Variants in CCDC91 observed in about 807,000 individuals in gnomAD.
CCDC91 encodes the protein coiled-coil domain containing 91.
In CCDC91, 48 loss-of-function variants were observed where a neutral mutation model predicts 63.2. The observed-to-expected ratio is 0.76, with a 90% CI of 0.60 to 0.97. The LOEUF (loss-of-function observed/expected upper bound fraction) is 0.97. CCDC91 is among the 50% of genes least tolerant of loss of function. The pLI is 0.00. For missense variants in CCDC91, 500 were observed against 494.6 expected, an observed-to-expected ratio of 1.01 and a Z score of -0.10; for synonymous variants, 167 against 165.8, an observed-to-expected ratio of 1.01 and a Z score of -0.06.
chr12:28,405,934 T>C lies in CCDC91; in HGVS notation c.762+14523T>C, dbSNP rs79995108. On this transcript the variant is annotated intron_variant, in intron 8 of 12. Transcript: ENST00000536442. ...TAATGTCTATGTAATGTCCATTCAG[T>C]AGTATGTTTTGTAAAAAAAATCTGC... 9.5e-3 allele frequency among the ~76,000 whole-genome samples: 1,401 copies of C among 147,014 alleles called. 27 individuals carry two copies. Among genetic ancestry groups the C allele is most frequent in the African/African-American group, 0.032 (1,332 of 41,378 alleles).
intron 12 of CCDC91, among the ~76,000 whole-genome samples, chr12:28,486,752 C>T (rs1951748289): frequency 6.6e-6 from 1 of 151,998 alleles, no homozygotes; most frequent in African/African-American, 2.4e-5. Flanking sequence ...GCCTAGTATT[C>T]ACTTGTATTA....
intron 3 of CCDC91, among the ~76,000 whole-genome samples, chr12:28,287,799 G>A (rs1010635905): frequency 6.6e-6 from 1 of 152,138 alleles, no homozygotes; most frequent in Non-Finnish European, 1.5e-5. Context: ...GGGCAGTATG[G>A]CCATTTTAAT....
intron 6 of CCDC91, among the ~76,000 whole-genome samples, chr12:28,360,712 A>G (rs1316692381): frequency 1.3e-5 from 2 of 152,112 alleles, no homozygotes; most frequent in Non-Finnish European, 2.9e-5. Context: ...CTTCTAAACA[A>G]CTCTGCAGAT....
chr12:28,422,202 A>G (rs1224127638), intron 8 of CCDC91, among the ~76,000 whole-genome samples: 4 of 152,144 alleles, frequency 2.6e-5, no homozygotes, highest in African/African-American at 9.6e-5. Flanking sequence ...AAAAGTACCA[A>G]AATCAATCAC....
At chr12:28,494,067 G>T (rs1355057602) in intron 12 of CCDC91, among the ~76,000 whole-genome samples, 1 of 151,680 alleles carries the variant, frequency 6.6e-6, no homozygotes, top group Non-Finnish European at 1.5e-5. Flanking sequence ...TGAGCTCAGT[G>T]CTGCTTTTCA....
intron 7 of CCDC91, among the ~76,000 whole-genome samples, chr12:28,385,140 AT>A (rs1945521856): frequency 6.6e-6 from 1 of 152,124 alleles, no homozygotes; most frequent in South Asian, 2.1e-4. Context: ...ATAGAAATAA[AT>A]TTTTTAAACG....
At chr12:28,413,248 A>AT (rs1340406384) in intron 8 of CCDC91, among the ~76,000 whole-genome samples, 3 of 152,064 alleles carry the variant, frequency 2.0e-5, no homozygotes, top group Non-Finnish European at 4.4e-5. Flanking sequence ...CCTATTAAAC[A>AT]TTTTTTTGGT....
chr12:28,519,051 T>C (rs1940281604), intron 12 of CCDC91, among the ~76,000 whole-genome samples: 1 of 151,886 alleles, frequency 6.6e-6, no homozygotes, highest in Non-Finnish European at 1.5e-5. Context: ...TCCATATGAA[T>C]TTGGGGATAG....
chr12:28,219,231 A>T (rs570535940), intron 1 of CCDC91, among the ~76,000 whole-genome samples: 1 of 152,202 alleles, frequency 6.6e-6, no homozygotes, highest in African/African-American at 2.4e-5. Flanking sequence ...TGCTTAATTG[A>T]GATTATTAGA....
intron 3 of CCDC91, chr12:28,304,541 A>C: frequency 2.2e-6 from 1 of 451,722 alleles, no homozygotes; most frequent in Non-Finnish European, 3.7e-6. Flanking sequence ...TGTATAAGAT[A>C]ATTGAATTCT....
Position 28,450,436 on chromosome 12 carries a change from A to T in CCDC91, c.924+18A>T, listed in dbSNP as rs149900008. ...CTGCAAAGGTATTTCCATCTGTAAT[A>T]GTGGGTTGCTTGTAAGTAAGTGGAA... On this transcript the variant is annotated intron_variant, in intron 10 of 12. Coordinates refer to ENST00000536442, the MANE Select transcript of CCDC91 (RefSeq NM_018318.5). 482 of 1,580,018 alleles carry T rather than the reference A, an allele frequency of 3.1e-4. 6 individuals carry two copies. The East Asian group carries it at 0.011, about 35-fold the overall frequency.
intron 6 of CCDC91, among the ~76,000 whole-genome samples, chr12:28,328,154 C>T (rs1941184342): frequency 6.6e-6 from 1 of 152,140 alleles, no homozygotes; most frequent in Admixed American, 6.6e-5. Flanking sequence ...GAGTCTTAGA[C>T]ATGTTGCCAT....
At chr12:28,478,639 G>A (rs1951257800) in intron 11 of CCDC91, among the ~76,000 whole-genome samples, 1 of 152,158 alleles carries the variant, frequency 6.6e-6, no homozygotes, top group Non-Finnish European at 1.5e-5. Context: ...AAGAGCTTCT[G>A]CACAGCAAAA....
intron 11 of CCDC91, among the ~76,000 whole-genome samples, chr12:28,455,441 C>A (rs1592722212): frequency 1.3e-5 from 2 of 152,080 alleles, no homozygotes; most frequent in Non-Finnish European, 2.9e-5. Context: ...AATACTGCCT[C>A]TTCATTCTGT....
At chr12:28,243,189 A>C (rs1282024213) in intron 1 of CCDC91, among the ~76,000 whole-genome samples, 8 of 152,206 alleles carry the variant, frequency 5.3e-5, no homozygotes, top group South Asian at 2.1e-4. Context: ...ACTGCAGCTT[A>C]TCTGGGCAGT....
At chr12:28,463,919 G>A (rs577367414) in intron 11 of CCDC91, among the ~76,000 whole-genome samples, 2 of 152,234 alleles carry the variant, frequency 1.3e-5, no homozygotes, top group South Asian at 4.2e-4. Flanking sequence ...AAGCAAGTGA[G>A]CCAAATACTT....
At position 28,442,157 on chromosome 12, in the gene CCDC91, A is replaced by C. The variant is rs1403143221; in HGVS notation, c.763-8004A>C. On this transcript the variant is annotated intron_variant, in intron 8 of 12. Transcript: ENST00000536442. ...AAGTGTGAAAAGACCAACCACAAAC[A>C]AAAGAGGAATTACTACTGCCTGTGT... 3.9e-5 allele frequency among the ~76,000 whole-genome samples: 6 copies of C among 152,128 alleles called. No homozygotes were observed. In the East Asian group the frequency reaches 1.2e-3, roughly 29 times the overall value.
At chr12:28,493,847 G>T (rs1398043264) in intron 12 of CCDC91, among the ~76,000 whole-genome samples, 1 of 151,638 alleles carries the variant, frequency 6.6e-6, no homozygotes, top group Non-Finnish European at 1.5e-5. Flanking sequence ...GTATTGCTGA[G>T]AGCGTGATTG....
At chr12:28,424,381 G>C (rs1023565819) in intron 8 of CCDC91, among the ~76,000 whole-genome samples, 2 of 152,048 alleles carry the variant, frequency 1.3e-5, no homozygotes, top group Non-Finnish European at 2.9e-5. Flanking sequence ...AAGTCCTGCC[G>C]ATTTGTTCGT....
Sources: gnomAD v4.1 joint callset for allele counts (sites outside exome capture counted in the v4.1 genomes callset) on GRCh38, gnomAD v4.1.1 for gene constraint, MANE v1.5 for transcripts, NCBI Gene and HGNC (gene_info 2026-07-23, HGNC 2026-07-21) for gene names.